Variants in ARPC1A observed in about 807,000 individuals in gnomAD.
ARPC1A encodes actin related protein 2/3 complex subunit 1A.
In ARPC1A, 8 loss-of-function variants were observed where a neutral mutation model predicts 46.9. The observed-to-expected ratio is 0.17, with a 90% CI of 0.10 to 0.31. The LOEUF (loss-of-function observed/expected upper bound fraction) is 0.31. ARPC1A is among the 10% of genes least tolerant of loss of function. The pLI is 1.00. For synonymous variants in ARPC1A, 152 were observed against 169.0 expected (o/e 0.90, Z 0.78); for missense variants, 286 against 483.6 (o/e 0.59, Z 3.83).
chr7:99,330,058 TC>T (rs1458791015), intron 1 of ARPC1A, among the ~76,000 whole-genome samples: 1 of 151,150 alleles, frequency 6.6e-6, no homozygotes, highest in East Asian at 1.9e-4. Flanking sequence ...ATCTGGAAGT[TC>T]TTGTAAAAAA....
chr7:99,351,037 G>A (rs1418924091), intron 5 of ARPC1A, among the ~76,000 whole-genome samples: 4 of 151,746 alleles, frequency 2.6e-5, no homozygotes, highest in Non-Finnish European at 5.9e-5. Flanking sequence ...AAAAAAAAAA[G>A]AGAGAGAGAT....
At chr7:99,326,692 C>G (rs1793053331) in intron 1 of ARPC1A, among the ~76,000 whole-genome samples, 1 of 152,258 alleles carries the variant, frequency 6.6e-6, no homozygotes, top group Non-Finnish European at 1.5e-5. Flanking sequence ...TGCTAAGAAT[C>G]AAGTGAGCTT....
chr7:99,358,279 G>A (rs1336836159), intron 6 of ARPC1A, 61 bp from the exon 7 acceptor site: 1 of 1,523,984 alleles, frequency 6.6e-7, no homozygotes, highest in African/African-American at 1.4e-5. Context: ...GTGATCATCT[G>A]TGTCTGTAAA....
At chr7:99,360,320 A>T (rs1420279061) in intron 8 of ARPC1A, 1 of 152,320 alleles carries the variant, frequency 6.6e-6, no homozygotes, top group Admixed American at 6.5e-5. Flanking sequence ...TTGTCCAGAA[A>T]GTTTAATTTT....
intron 5 of ARPC1A, 109 bp from the exon 6 acceptor site, chr7:99,353,800 G>A (rs1793586495): frequency 1.8e-6 from 2 of 1,082,558 alleles, no homozygotes; most frequent in East Asian, 2.6e-5. Flanking sequence ...TTTTTTTAAT[G>A]AGTCAACCTC....
At position 99,358,370 on chromosome 7, in the gene ARPC1A, G is replaced by T. The variant is rs776457405; in HGVS notation, c.744G>T (p.Pro248=). Residue 248 remains proline (P), a synonymous_variant, in exon 7 of 10, where the codon CCG becomes CCT. Coordinates refer to ENST00000262942, the MANE Select transcript of ARPC1A (RefSeq NM_006409.4). ...QVSTLKTEFL[P]LLSVSFVSEN... ...CGACTCTGAAGACAGAGTTCCTGCCGCTCCTAAGTGTGTCATTTGTCTCAG... is the reference window on the plus strand; with the variant it reads ...CGACTCTGAAGACAGAGTTCCTGCCTCTCCTAAGTGTGTCATTTGTCTCAG... 6.2e-7 allele frequency: 1 copy of T among 1,613,864 alleles called. No homozygotes were observed. Among genetic ancestry groups the T allele is most frequent in the East Asian group, 2.2e-5 (1 of 44,878 alleles).
At chr7:99,357,067 A>G (rs1793648841) in intron 6 of ARPC1A, among the ~76,000 whole-genome samples, 2 of 152,124 alleles carry the variant, frequency 1.3e-5, no homozygotes, top group Non-Finnish European at 2.9e-5. Context: ...TTAATACTTG[A>G]TAATACTTTT....
At chr7:99,349,522 T>A (rs1374004677) in intron 5 of ARPC1A, among the ~76,000 whole-genome samples, 1 of 150,442 alleles carries the variant, frequency 6.6e-6, no homozygotes, top group Non-Finnish European at 1.5e-5. Flanking sequence ...TTGGCCAACA[T>A]GGTGAAACCC....
intron 4 of ARPC1A, among the ~76,000 whole-genome samples, chr7:99,348,175 C>G (rs1169578478): frequency 6.6e-6 from 1 of 152,112 alleles, no homozygotes; most frequent in Non-Finnish European, 1.5e-5. Flanking sequence ...CCAAATTCAC[C>G]AAAAATTCAG....
chr7:99,331,037 A>T (rs1468407230), intron 1 of ARPC1A, among the ~76,000 whole-genome samples: 1 of 152,260 alleles, frequency 6.6e-6, no homozygotes, highest in African/African-American at 2.4e-5. Flanking sequence ...AAACGCCTAC[A>T]TACTCTTTGC....
intron 7 of ARPC1A, 51 bp downstream of exon 7, chr7:99,358,466 G>C (rs1229647030): frequency 6.6e-7 from 1 of 1,521,032 alleles, no homozygotes; most frequent in Non-Finnish European, 9.1e-7. Flanking sequence ...GTGATGCTCA[G>C]ACAGGGAACA....
At chr7:99,333,213 A>G in intron 1 of ARPC1A, 112 bp from the exon 2 acceptor site, 1 of 723,490 alleles carries the variant, frequency 1.4e-6, no homozygotes, top group Non-Finnish European at 2.3e-6. Context: ...TTTTAATGGG[A>G]GGACAATGTT....
At chr7:99,359,516 CT>C in intron 7 of ARPC1A, 28 bp from the exon 8 acceptor site, 2 of 1,612,514 alleles carry the variant, frequency 1.2e-6, no homozygotes, top group Non-Finnish European at 1.7e-6. Context: ...GCAGTGCATC[CT>C]CCAGGGACTG....
At chr7:99,359,902 A>G in intron 8 of ARPC1A, 164 bp downstream of exon 8, 1 of 824,922 alleles carries the variant, frequency 1.2e-6, no homozygotes, top group Non-Finnish European at 1.9e-6. Flanking sequence ...CCAGGCTCTC[A>G]TTTCCAGCTC....
intron 1 of ARPC1A, among the ~76,000 whole-genome samples, chr7:99,326,783 A>G (rs527878092): frequency 4.6e-4 from 70 of 152,306 alleles, no homozygotes; most frequent in Non-Finnish European, 8.2e-4. Context: ...GCTTCTGGGC[A>G]TTCTATGCAT....
rs1793708783 is a variant in ARPC1A, at chr7:99,359,738, C to T, written c.983C>T (p.Thr328Ile). ...GAGACGCTGCACCAGAATAGCATCA[C>T]GTAGGTGCCGTCTGTAGAGAGGTGG... is the stretch of plus-strand genomic sequence containing the variant. ...ALETLHQNSITQVSIYEVDKQ... is the reference protein window; with the variant it reads ...ALETLHQNSIIQVSIYEVDKQ... The change falls in exon 8 of 10, where the codon ACT (threonine) becomes ATT (isoleucine). Residue 328 changes from threonine to isoleucine, a missense_variant and splice_region_variant. Physicochemically the swap from Thr to Ile is moderately conservative, Grantham distance 89. Transcript: ENST00000262942. 1.9e-6 allele frequency: 3 copies of T among 1,614,100 alleles called. No homozygotes were observed. The South Asian group carries it at 3.3e-5, about 18-fold the overall frequency.
chr7:99,355,516 G>A lies in ARPC1A; in HGVS notation c.713+1395G>A, dbSNP rs527932763. On this transcript the variant is annotated intron_variant, in intron 6 of 9. Coordinates refer to ENST00000262942, the MANE Select transcript of ARPC1A (RefSeq NM_006409.4). ...TCCCAGCACTTTGGGAGGCCAAGGT[G>A]GGTGGATCACTTGAGGTCAGGAGTT... Among the ~76,000 whole-genome samples the A allele has an allele frequency of 3.3e-5, 5 of 152,256 alleles. No homozygotes were observed. In the South Asian group the frequency reaches 1.0e-3, roughly 32 times the overall value.
chr7:99,354,282 G>T (rs1793595586), intron 6 of ARPC1A, among the ~76,000 whole-genome samples, 161 bp downstream of exon 6: 1 of 151,834 alleles, frequency 6.6e-6, no homozygotes, highest in East Asian at 1.9e-4. Context: ...CAGCACTTTG[G>T]GAGGCCGAGG....
At position 99,365,972 on chromosome 7, in the gene ARPC1A, G is replaced by A. The variant is rs549648767; in HGVS notation, c.*43G>A. 63 of 1,549,894 alleles carry A rather than the reference G, an allele frequency of 4.1e-5. No homozygotes were observed. In the African/African-American group the frequency reaches 5.4e-4, roughly 13 times the overall value. On this transcript the variant is annotated 3_prime_UTR_variant, in exon 10 of 10. Coordinates refer to ENST00000262942, the MANE Select transcript of ARPC1A (RefSeq NM_006409.4). ...CCATCCAGCATGACAAACTGTGGCC[G>A]ACCGCAGCTGTGCCGTGGCACGATG...
Sources: allele counts gnomAD v4.1 joint callset (sites outside exome capture counted in the v4.1 genomes callset), GRCh38; gene constraint gnomAD v4.1.1; transcripts MANE v1.5; gene names NCBI Gene and HGNC (gene_info 2026-07-23, HGNC 2026-07-21).